The following LMF1 variants were observed in gnomAD, a reference collection of about 807,000 sequenced individuals.
LMF1 encodes transmembrane protein 112.
In LMF1, 68 loss-of-function variants were observed where a neutral mutation model predicts 60.6. That is an observed-to-expected ratio of 1.12 (90% CI 0.92 to 1.37). LMF1 has a LOEUF of 1.37. Ranked by LOEUF, LMF1 falls within the 40% of genes most tolerant of loss-of-function variation. LMF1 has a pLI of 0.00. For missense variants in LMF1, 948 were observed against 767.2 expected, an observed-to-expected ratio of 1.24 and a Z score of -2.78; for synonymous variants, 418 against 324.7, an observed-to-expected ratio of 1.29 and a Z score of -3.09.
Position 870,629 on chromosome 16 carries a change from G to C in LMF1, c.1232+100C>G. The C allele has an allele frequency of 2.2e-6, 3 of 1,391,228 alleles. No individual in the cohort carries two copies. In the South Asian group the frequency reaches 3.6e-5, roughly 17 times the overall value. The allele number at this position is 1,391,228 out of a possible 1,614,324, so 86.2% of individuals were successfully genotyped here. A position where few individuals can be genotyped will look rare whatever the true frequency, so the allele number is the denominator to read the frequency against. On this transcript the variant is annotated intron_variant, in intron 8 of 10. Coordinates refer to ENST00000262301, the MANE Select transcript of LMF1 (RefSeq NM_022773.4). Reference sequence around the variant, plus strand: ...TGGGGTGGGGCAGGGGACACTTGGGGTCATGGGGGCCTGCACTGTAACCCC... The same window carrying C: ...TGGGGTGGGGCAGGGGACACTTGGGCTCATGGGGGCCTGCACTGTAACCCC...
chr16:898,783 T>C lies in LMF1; in HGVS notation c.664-5711A>G, dbSNP rs920488329. Among the ~76,000 whole-genome samples the C allele has an allele frequency of 1.2e-4, 19 of 152,366 alleles. 1 individual carries two copies. Among genetic ancestry groups the C allele is most frequent in the African/African-American group, 3.6e-4 (15 of 41,582 alleles). ...AGTTGCTGCCCTAGTCACCATACCA[T>C]GTAAATTCCTCTTGCTGTGATCACG... On this transcript the variant is annotated intron_variant, in intron 4 of 10. Coordinates refer to ENST00000262301, the MANE Select transcript of LMF1 (RefSeq NM_022773.4).
chr16:885,464 A>G (rs533793625), intron 5 of LMF1, among the ~76,000 whole-genome samples: 48 of 152,242 alleles, frequency 3.2e-4, no homozygotes, highest in Middle Eastern at 3.4e-3. Context: ...GGATTTAAAC[A>G]TAAGACCCAA....
intron 10 of LMF1, chr16:855,098 G>A: frequency 6.1e-6 from 2 of 328,230 alleles, no homozygotes; most frequent in East Asian, 7.3e-5. Flanking sequence ...GGTGGGGAGA[G>A]GAACCTACTG....
chr16:976,925 C>T (rs2073164227), intron 1 of LMF1: 1 of 454,014 alleles, frequency 2.2e-6, no homozygotes, highest in African/African-American at 2.0e-5. Flanking sequence ...CAGGAGGCTC[C>T]CAGTGTGTCA....
intron 5 of LMF1, among the ~76,000 whole-genome samples, chr16:890,535 C>T (rs2070452571): frequency 6.6e-6 from 1 of 152,182 alleles, no homozygotes; most frequent in South Asian, 2.1e-4. Flanking sequence ...CAAGGCTCAG[C>T]CTGTCCTGGG....
chr16:922,446 G>A (rs570879740), intron 3 of LMF1, among the ~76,000 whole-genome samples: 13 of 152,374 alleles, frequency 8.5e-5, no homozygotes, highest in African/African-American at 2.4e-4. Flanking sequence ...GCACACGGGC[G>A]TCCACCTAAC....
intron 3 of LMF1, among the ~76,000 whole-genome samples, chr16:921,886 G>C (rs2071441461): frequency 6.6e-6 from 1 of 152,198 alleles, no homozygotes; most frequent in African/African-American, 2.4e-5. Flanking sequence ...ATGTAAAAAA[G>C]ATTGACTACA....
intron 1 of LMF1, among the ~76,000 whole-genome samples, chr16:958,342 A>G (rs1202273632): frequency 6.6e-6 from 1 of 152,256 alleles, no homozygotes; most frequent in Non-Finnish European, 1.5e-5. Flanking sequence ...CAAATCACAC[A>G]TCTGATAAAG....
intron 4 of LMF1, chr16:899,099 GGGGCTGTGTGAC>G (rs2070739256): frequency 6.6e-6 from 1 of 152,276 alleles, no homozygotes; most frequent in African/African-American, 2.4e-5. Flanking sequence ...GATTGTCCCA[GGGGCTGTGTGAC>G]GGGCTGTGCG....
At chr16:862,597 C>T (rs2069497185) in intron 10 of LMF1, among the ~76,000 whole-genome samples, 2 of 152,248 alleles carry the variant, frequency 1.3e-5, no homozygotes, top group Admixed American at 1.3e-4. Flanking sequence ...GTGGCTCATG[C>T]TTGTAATCCC....
At chr16:902,283 G>A (rs926239) in intron 4 of LMF1, 53,145 of 152,392 alleles carry the variant, frequency 0.35, 11,162 homozygotes, top group African/African-American at 0.58. Flanking sequence ...CCCGCAGGCC[G>A]ATGCGTCTGG....
At chr16:867,750 A>G (rs2069652838) in intron 10 of LMF1, among the ~76,000 whole-genome samples, 2 of 152,060 alleles carry the variant, frequency 1.3e-5, no homozygotes, top group African/African-American at 4.8e-5. Flanking sequence ...CGGGCCCATG[A>G]GGAGGGACCC....
At chr16:928,116 C>G (rs1266351985) in intron 3 of LMF1, among the ~76,000 whole-genome samples, 1 of 152,238 alleles carries the variant, frequency 6.6e-6, no homozygotes, top group Non-Finnish European at 1.5e-5. Context: ...AACGCTGGGA[C>G]AGCCTGGCCG....
At chr16:926,271 C>T (rs984305244) in intron 3 of LMF1, among the ~76,000 whole-genome samples, 7 of 151,284 alleles carry the variant, frequency 4.6e-5, no homozygotes, top group Admixed American at 3.9e-4. Context: ...CATGCATGCA[C>T]CTGTTTGCAT....
At chr16:869,247 C>A in intron 9 of LMF1, 191 bp from the exon 10 acceptor site, 1 of 667,986 alleles carries the variant, frequency 1.5e-6, no homozygotes, top group Non-Finnish European at 2.7e-6. Context: ...CCTGACCACT[C>A]ATTCCCATGT....
intron 10 of LMF1, among the ~76,000 whole-genome samples, chr16:859,017 GTGTCACGGGACGGGTGTGAGTGA>G (rs1259518787): frequency 7.7e-4 from 72 of 93,956 alleles, no homozygotes; most frequent in African/African-American, 2.4e-3. Flanking sequence ...GTGTGCAGTG[GTGTCACGGGACGGGTGTGAGTGA>G]TGTCACGGGA....
rs200608546 is a variant in LMF1, at chr16:910,911, C to G, written c.663+20G>C. On this transcript the variant is annotated intron_variant, in intron 4 of 10. Coordinates refer to ENST00000262301, the MANE Select transcript of LMF1 (RefSeq NM_022773.4). ...AGCCACCGTTATTCCCCAAACACCA[C>G]GCAGAAGAGCTCCACTTACTGCTCC... The G allele has an allele frequency of 1.9e-6, 3 of 1,611,856 alleles. No homozygotes were observed. Among genetic ancestry groups the G allele is most frequent in the African/African-American group, 1.3e-5 (1 of 74,914 alleles).
At chr16:855,965 G>A (rs1344094869) in intron 10 of LMF1, 1 of 455,970 alleles carries the variant, frequency 2.2e-6, no homozygotes, top group Non-Finnish European at 4.4e-6. Context: ...GGTGTGTGAT[G>A]GATGATGATT....
upstream of LMF1, among the ~76,000 whole-genome samples, chr16:971,395 C>T (rs1167100929): frequency 6.6e-6 from 1 of 152,274 alleles, no homozygotes; most frequent in Non-Finnish European, 1.5e-5. Flanking sequence ...GCGGTGCTAC[C>T]ACTGCGTGCC....
Sources: gnomAD v4.1 joint callset for allele counts (sites outside exome capture counted in the v4.1 genomes callset) on GRCh38, gnomAD v4.1.1 for gene constraint, MANE v1.5 for transcripts, NCBI Gene and HGNC (gene_info 2026-07-23, HGNC 2026-07-21) for gene names.